Variants in DLG1 observed in about 807,000 individuals in gnomAD.
DLG1 encodes the protein discs large MAGUK scaffold protein 1.
DLG1 carries 42 observed loss-of-function variants against 123.4 expected under a neutral mutation model. The ratio of observed to expected loss-of-function variants is 0.34; its 90% CI spans 0.27 to 0.44. The LOEUF (loss-of-function observed/expected upper bound fraction) is 0.44. Among genes scored for constraint, DLG1 ranks in the 20% least tolerant of loss-of-function variants. The probability of loss-of-function intolerance (pLI) is 1.00; values close to 1 mark genes in which losing one functional copy is unlikely to be tolerated. For synonymous variants in DLG1, 317 were observed against 356.2 expected (o/e 0.89, Z 1.24); for missense variants, 942 against 1,082.6 (o/e 0.87, Z 1.82).
chr3:197,189,777 T>C (rs1359906740), intron 5 of DLG1, among the ~76,000 whole-genome samples: 1 of 152,174 alleles, frequency 6.6e-6, no homozygotes, highest in Non-Finnish European at 1.5e-5. Context: ...TGCTGGTACT[T>C]TCTTGATCTT....
At chr3:197,198,429 G>A (rs1270071469) in intron 4 of DLG1, among the ~76,000 whole-genome samples, 1 of 150,334 alleles carries the variant, frequency 6.7e-6, no homozygotes, top group African/African-American at 2.5e-5. Context: ...GGAGGTTGCA[G>A]TGAGTCGAGA....
intron 24 of DLG1, among the ~76,000 whole-genome samples, chr3:197,051,130 T>C (rs1727326730): frequency 1.3e-5 from 2 of 152,178 alleles, no homozygotes; most frequent in South Asian, 2.1e-4. Flanking sequence ...TCCTAGCATT[T>C]TGACAGGCTG....
intron 1 of DLG1, chr3:197,298,047 C>G: frequency 2.0e-6 from 1 of 511,674 alleles, no homozygotes; most frequent in Non-Finnish European, 2.5e-6. Flanking sequence ...CAGTTGCTGC[C>G]GCACGCCCCA....
intron 4 of DLG1, among the ~76,000 whole-genome samples, chr3:197,274,507 C>T (rs922216799): frequency 2.6e-5 from 4 of 151,196 alleles, no homozygotes; most frequent in African/African-American, 4.9e-5. Context: ...CGACACGACA[C>T]GACACGACAC....
chr3:197,213,462 T>C (rs901659537), intron 4 of DLG1, among the ~76,000 whole-genome samples: 1 of 152,208 alleles, frequency 6.6e-6, no homozygotes, highest in Non-Finnish European at 1.5e-5. Flanking sequence ...GAAAATACTC[T>C]GTATCTCAAC....
chr3:197,134,472 C>CAAA (rs11319273), intron 10 of DLG1, among the ~76,000 whole-genome samples: 241 of 96,546 alleles, frequency 2.5e-3, no homozygotes, highest in African/African-American at 8.8e-3. Context: ...TTCATAATAC[C>CAAA]AAAAAAAAAA....
chr3:197,181,225 T>C (rs1711597429), intron 5 of DLG1, among the ~76,000 whole-genome samples: 1 of 152,204 alleles, frequency 6.6e-6, no homozygotes, highest in Admixed American at 6.5e-5. Context: ...CAGATAGTTT[T>C]CATACTAATA....
intron 4 of DLG1, among the ~76,000 whole-genome samples, chr3:197,201,798 T>A (rs1025042526): frequency 6.6e-6 from 1 of 152,168 alleles, no homozygotes; most frequent in African/African-American, 2.4e-5. Flanking sequence ...AATATCATTT[T>A]TCACAGAAGC....
At chr3:197,215,217 G>A (rs1447210608) in intron 4 of DLG1, among the ~76,000 whole-genome samples, 1 of 152,172 alleles carries the variant, frequency 6.6e-6, no homozygotes, top group Non-Finnish European at 1.5e-5. Flanking sequence ...TAGACAGGCT[G>A]ATGACTGGAA....
intron 4 of DLG1, among the ~76,000 whole-genome samples, chr3:197,252,504 A>G (rs1246475513): frequency 2.0e-5 from 3 of 152,172 alleles, no homozygotes; most frequent in Non-Finnish European, 4.4e-5. Flanking sequence ...ATACCATCTG[A>G]CTATACTTTT....
intron 4 of DLG1, among the ~76,000 whole-genome samples, chr3:197,233,683 C>T (rs1354970459): frequency 2.0e-5 from 3 of 152,140 alleles, no homozygotes; most frequent in South Asian, 2.1e-4. Context: ...CCATGCCTGG[C>T]TAATTTTTGT....
chr3:197,194,365 C>T, intron 5 of DLG1, 60 bp downstream of exon 5: 1 of 1,151,902 alleles, frequency 8.7e-7, no homozygotes. Flanking sequence ...CGAGCATGAG[C>T]TATATGTATA....
At chr3:197,192,409 C>A (rs910479292) in intron 5 of DLG1, among the ~76,000 whole-genome samples, 14 of 151,660 alleles carry the variant, frequency 9.2e-5, no homozygotes, top group Non-Finnish European at 1.9e-4. Flanking sequence ...GTGCAATAAG[C>A]AAGTGACTTG....
chr3:197,190,941 C>T (rs185137836), intron 5 of DLG1, among the ~76,000 whole-genome samples: 2 of 152,210 alleles, frequency 1.3e-5, no homozygotes, highest in East Asian at 1.9e-4. Flanking sequence ...ACCCGGGAGG[C>T]GGAGCTTGCA....
chr3:197,229,526 G>A (rs556960034), intron 4 of DLG1, among the ~76,000 whole-genome samples: 1 of 149,194 alleles, frequency 6.7e-6, no homozygotes, highest in South Asian at 2.1e-4. Flanking sequence ...TTATTCAATA[G>A]AGAAGCAAAT....
Position 197,273,256 on chromosome 3 carries a change from A to AT in DLG1, c.318+9422dup, listed in dbSNP as rs1020126404. ...TATTTTTTTCTTTATTTTTATTTTT[A>AT]TTTTTTTTTGAGACAGTGTCTTGCT... On this transcript the variant is annotated intron_variant, in intron 4 of 24. Coordinates refer to ENST00000667157, the MANE Select transcript of DLG1 (RefSeq NM_001366207.1). Among the ~76,000 whole-genome samples, 262 of 132,942 alleles carry AT rather than the reference A, an allele frequency of 2.0e-3. 2 individuals are homozygous for AT. The highest frequency in any genetic ancestry group is 6.8e-3 in the African/African-American group (240 of 35,358). 87.2% of individuals were successfully genotyped at this position (132,942 alleles called of 152,430 possible).
At chr3:197,257,078 T>C (rs1037689332) in intron 4 of DLG1, among the ~76,000 whole-genome samples, 8 of 152,116 alleles carry the variant, frequency 5.3e-5, no homozygotes, top group African/African-American at 1.4e-4. Context: ...CTTAAAAAAT[T>C]TGAAGTCTTT....
intron 14 of DLG1, among the ~76,000 whole-genome samples, chr3:197,097,128 G>A (rs1761037205): frequency 6.6e-6 from 1 of 152,120 alleles, no homozygotes; most frequent in Non-Finnish European, 1.5e-5. Flanking sequence ...TACTCAATTT[G>A]GATTTTATTC....
chr3:197,157,455 C>T (rs539276536), intron 5 of DLG1, among the ~76,000 whole-genome samples: 1 of 152,212 alleles, frequency 6.6e-6, no homozygotes, highest in African/African-American at 2.4e-5. Flanking sequence ...TTTCAGAACA[C>T]TGAGCCTCCT....
Sources: gnomAD v4.1 joint callset for allele counts (sites outside exome capture counted in the v4.1 genomes callset) on GRCh38, gnomAD v4.1.1 for gene constraint, MANE v1.5 for transcripts, NCBI Gene and HGNC (gene_info 2026-07-23, HGNC 2026-07-21) for gene names.